Variants in RHEBL1 observed in about 807,000 individuals in gnomAD.
The protein encoded by RHEBL1 is GTPase RhebL1.
Under a neutral mutation model 27.4 loss-of-function variants are expected in RHEBL1, and 22 were observed. The observed-to-expected ratio is 0.80, with a 90% confidence interval of 0.57 to 1.15. RHEBL1 has a LOEUF of 1.15. Among genes scored for constraint, RHEBL1 ranks in the 50% most tolerant of loss-of-function variants. The pLI is 0.00. For synonymous variants in RHEBL1, 85 were observed against 80.8 expected (o/e 1.05, Z -0.28); for missense variants, 186 against 226.5 (o/e 0.82, Z 1.15).
chr12:49,069,861 C>A lies in RHEBL1; in HGVS notation c.-76G>T. On this transcript the variant is annotated 5_prime_UTR_variant, in exon 1 of 8. Coordinates refer to ENST00000301068, the MANE Select transcript of RHEBL1 (RefSeq NM_144593.3). ...AAAACGAGGTCAGGGTGTGAGCAGGCGCGGCAGCTGGTGCAGGAAAGTCGC... is the reference window on the plus strand; with the variant it reads ...AAAACGAGGTCAGGGTGTGAGCAGGAGCGGCAGCTGGTGCAGGAAAGTCGC... 7.5e-7 allele frequency: 1 copy of A among 1,332,944 alleles called. No individual in the cohort carries two copies. Among genetic ancestry groups the A allele is most frequent in the Non-Finnish European group, 1.1e-6 (1 of 932,132 alleles). 82.6% of individuals were successfully genotyped at this position (1,332,944 alleles called of 1,614,324 possible).
At chr12:49,067,060 G>C in intron 2 of RHEBL1, 25 bp from the exon 3 acceptor site, 1 of 1,553,416 alleles carries the variant, frequency 6.4e-7, no homozygotes, top group Non-Finnish European at 8.9e-7. Flanking sequence ...AAACTTGACT[G>C]TGAAGTGCCT....
Position 49,065,065 on chromosome 12 carries a change from G to T in RHEBL1, c.*38C>A. ...CCCCCACTGGAACATGGCAAGTGCCGGGGGCAGAAGCAAGGCAGTTACCCC... is the reference window on the plus strand; with the variant it reads ...CCCCCACTGGAACATGGCAAGTGCCTGGGGCAGAAGCAAGGCAGTTACCCC... On this transcript the variant is annotated 3_prime_UTR_variant, in exon 8 of 8. Coordinates refer to ENST00000301068, the MANE Select transcript of RHEBL1 (RefSeq NM_144593.3). The T allele has an allele frequency of 6.8e-7, 1 of 1,462,462 alleles. No individual in the cohort carries two copies. The highest frequency in any genetic ancestry group is 9.6e-7 in the Non-Finnish European group (1 of 1,042,224). 90.6% of individuals were successfully genotyped at this position (1,462,462 alleles called of 1,614,324 possible).
chr12:49,069,893 C>T lies in RHEBL1; in HGVS notation c.-108G>A, dbSNP rs1054710177. On this transcript the variant is annotated 5_prime_UTR_variant, in exon 1 of 8. Transcript: ENST00000301068. ...GCTGGTGCAGGAAAGTCGCTCACCC[C>T]GAAGCTGCCGTGGGCAAGTTAGAAG... 22 of 936,366 alleles carry T rather than the reference C, an allele frequency of 2.3e-5. No individual in the cohort carries two copies. In the Admixed American group the frequency reaches 4.4e-4, roughly 19 times the overall value. The allele number at this position is 936,366 out of a possible 1,614,324, so 58.0% of individuals were successfully genotyped here.
Position 49,069,946 on chromosome 12 carries a change from G to C in RHEBL1, c.-161C>G. ...AACCAAAACAAGCGCCGCGCCCGGA[G>C]CTGCCCACGTGATCACAACACAGCA... On this transcript the variant is annotated 5_prime_UTR_variant, in exon 1 of 8. Coordinates refer to ENST00000301068, the MANE Select transcript of RHEBL1 (RefSeq NM_144593.3). The C allele has an allele frequency of 1.5e-6, 1 of 653,544 alleles. No homozygotes were observed. The highest frequency in any genetic ancestry group is 2.7e-6 in the Non-Finnish European group (1 of 365,688). 40.5% of individuals were successfully genotyped at this position (653,544 alleles called of 1,614,324 possible).
intron 3 of RHEBL1, 45 bp downstream of exon 3, chr12:49,066,923 C>T (rs1270942531): frequency 7.4e-6 from 11 of 1,487,928 alleles, no homozygotes; most frequent in Non-Finnish European, 1.0e-5. Context: ...ACTTCATCTC[C>T]GAGGGCTGAA....
At chr12:49,069,532 A>G (rs1296481860) in intron 1 of RHEBL1, among the ~76,000 whole-genome samples, 1 of 151,996 alleles carries the variant, frequency 6.6e-6, no homozygotes, top group Non-Finnish European at 1.5e-5. Context: ...TTAACCCTTA[A>G]GTGCTCCCGC....
At chr12:49,065,583 C>T (rs1229763284) in intron 6 of RHEBL1, 152 bp from the exon 7 acceptor site, 3 of 657,032 alleles carry the variant, frequency 4.6e-6, no homozygotes, top group Non-Finnish European at 8.1e-6. Flanking sequence ...CACTTGAGCT[C>T]AGGAGTTCAA....
rs996442092 is a variant in RHEBL1, at chr12:49,069,742, C to A, written c.44G>T (p.Arg15Leu). 3 of 1,613,754 alleles carry A rather than the reference C, an allele frequency of 1.9e-6. No individual in the cohort carries two copies. Among genetic ancestry groups the A allele is most frequent in the Non-Finnish European group, 2.5e-6 (3 of 1,179,888 alleles). The stretch of plus-strand genomic sequence containing the variant: ...GCAGGGCGGAGACTCACCTACACAG[C>A]GGTATCCGAGGATGACCACCTTCCT... Reference protein sequence around the residue: ...RYRKVVILGYRCVGKTSLAHQ... With the variant: ...RYRKVVILGYLCVGKTSLAHQ... Residue 15 changes from arginine (R) to leucine (L), a missense_variant, in exon 1 of 8, where the codon CGC (arginine) becomes CTC (leucine). Arg to Leu is a moderately radical substitution (Grantham distance 102). Coordinates refer to ENST00000301068, the MANE Select transcript of RHEBL1 (RefSeq NM_144593.3).
At position 49,066,281 on chromosome 12, in the gene RHEBL1, G is replaced by A. The variant is rs750870160; in HGVS notation, c.333-3C>T. 1.4e-5 allele frequency: 22 copies of A among 1,613,546 alleles called. 1 individual carries two copies. Among genetic ancestry groups the A allele is most frequent in the Middle Eastern group, 1.7e-4 (1 of 6,048 alleles). On this transcript the variant is annotated splice_polypyrimidine_tract_variant and splice_region_variant and intron_variant, in intron 5 of 7. Transcript: ENST00000301068. ...TCCCCACTAGAACCACTGGCACCCT[G>A]TGAGGAAACAGCAGTTACTTCAGAA... is the stretch of plus-strand genomic sequence containing the variant.
At position 49,069,589 on chromosome 12, in the gene RHEBL1, TCCA is replaced by T; in HGVS notation, c.52+142_52+144del. The T allele has an allele frequency of 3.2e-5, 8 of 247,052 alleles. 3 individuals are homozygous for T. The highest frequency in any genetic ancestry group is 1.2e-4 in the South Asian group (2 of 16,754). 15.3% of individuals were successfully genotyped at this position (247,052 alleles called of 1,614,324 possible). On this transcript the variant is annotated intron_variant, in intron 1 of 7. Transcript: ENST00000301068. ...ACCAACTCTTCCAATCCTCCACTCT[TCCA>T]TTCCTCCACTCTTCCAATCCTCGCT...
intron 6 of RHEBL1, 78 bp downstream of exon 6, chr12:49,066,153 G>C: frequency 8.7e-7 from 1 of 1,150,014 alleles, no homozygotes; most frequent in Non-Finnish European, 1.3e-6. Flanking sequence ...TGAGTCAGTG[G>C]AAGAGCCAGG....
In RHEBL1 at chr12:49,065,119, C is replaced by A; in HGVS notation, c.536G>T (p.Arg179Leu). The change falls in exon 8 of 8, where the codon CGC becomes CTC. Residue 179 changes from arginine (R) to leucine (L), a missense_variant. By Grantham distance (102) the Arg-to-Leu change is moderately radical. Transcript: ENST00000301068. The part of the protein sequence containing the change: ...RVENSYGQER[R>L]CHLM ...CCCAAGGGCTCACATGAGATGGCAGCGACGCTCTTGCCCATAGGAATTCTC... is the reference window on the plus strand; with the variant it reads ...CCCAAGGGCTCACATGAGATGGCAGAGACGCTCTTGCCCATAGGAATTCTC... 1 of 1,613,506 alleles carries A rather than the reference C, an allele frequency of 6.2e-7. No homozygotes were observed. The highest frequency in any genetic ancestry group is 1.1e-5 in the South Asian group (1 of 91,058).
intron 2 of RHEBL1, 64 bp from the exon 3 acceptor site, chr12:49,067,099 C>CTTTT (rs10715716): frequency 6.3e-5 from 37 of 587,678 alleles, no homozygotes; most frequent in East Asian, 1.0e-4. Context: ...TGTCCCCTGA[C>CTTTT]TTTTTTTTTT....
In RHEBL1 at chr12:49,069,703, C is replaced by T. The variant is rs775351893; in HGVS notation, c.52+31G>A. 1.9e-6 allele frequency: 3 copies of T among 1,608,266 alleles called. No homozygotes were observed. The South Asian group carries it at 3.3e-5, about 18-fold the overall frequency. On this transcript the variant is annotated intron_variant, in intron 1 of 7. Transcript: ENST00000301068. ...GCCTCTTCTGGCTACAAAGCTGCTG[C>T]GCGTCCGAGCTCTGCAGGGCGGAGA...
rs1938969837 is a variant in RHEBL1 at position 49,064,881 on chromosome 12, A to G, written c.*222T>C. ...ATTCATCAAACAAAAACAGAGGGCT[A>G]GAGGCCAGTGTCCATGAGAGGTCCT... is the stretch of plus-strand genomic sequence containing the variant. On this transcript the variant is annotated 3_prime_UTR_variant, in exon 8 of 8. Coordinates refer to ENST00000301068, the MANE Select transcript of RHEBL1 (RefSeq NM_144593.3). 3 of 563,942 alleles carry G rather than the reference A, an allele frequency of 5.3e-6. No individual in the cohort carries two copies. Among genetic ancestry groups the G allele is most frequent in the Non-Finnish European group, 9.5e-6 (3 of 314,184 alleles). 34.9% of individuals were successfully genotyped at this position (563,942 alleles called of 1,614,324 possible).
chr12:49,067,901 T>C (rs1017042237), intron 2 of RHEBL1, among the ~76,000 whole-genome samples: 10 of 152,180 alleles, frequency 6.6e-5, no homozygotes, highest in African/African-American at 2.4e-4. Flanking sequence ...AATAAGTGTA[T>C]CTGGAATATT....
intron 2 of RHEBL1, among the ~76,000 whole-genome samples, chr12:49,068,320 G>A (rs898588924): frequency 2.0e-5 from 3 of 151,600 alleles, no homozygotes; most frequent in Non-Finnish European, 4.4e-5. Flanking sequence ...TAGTAGAGAC[G>A]GGGTTTCACC....
chr12:49,066,286 G>A lies in RHEBL1; in HGVS notation c.333-8C>T. The A allele has an allele frequency of 6.2e-7, 1 of 1,613,536 alleles. No homozygotes were observed. Among genetic ancestry groups the A allele is most frequent in the Non-Finnish European group, 8.5e-7 (1 of 1,179,554 alleles). ...ACTAGAACCACTGGCACCCTGTGAG[G>A]AAACAGCAGTTACTTCAGAATCCCC... On this transcript the variant is annotated splice_polypyrimidine_tract_variant and splice_region_variant and intron_variant, in intron 5 of 7. Transcript: ENST00000301068.
chr12:49,067,535 T>C (rs1420831414), intron 2 of RHEBL1, among the ~76,000 whole-genome samples: 1 of 151,998 alleles, frequency 6.6e-6, no homozygotes, highest in African/African-American at 2.4e-5. Flanking sequence ...TCCCAGCACT[T>C]TGGGAGGCCA....
Sources: allele counts gnomAD v4.1 joint callset (sites outside exome capture counted in the v4.1 genomes callset), GRCh38; gene constraint gnomAD v4.1.1; transcripts MANE v1.5; gene names NCBI Gene and HGNC (gene_info 2026-07-23, HGNC 2026-07-21).